The following BAX variants were observed in gnomAD, a reference collection of about 807,000 sequenced individuals.
The protein encoded by BAX is BCL2 associated X, apoptosis regulator.
A neutral mutation model predicts 26.8 loss-of-function variants in BAX; 21 were observed. The observed-to-expected ratio is 0.78, with a 90% CI of 0.56 to 1.13. The LOEUF (loss-of-function observed/expected upper bound fraction) is 1.13, where lower values mean the gene tolerates loss of function less well. Ranked by LOEUF, BAX falls within the 50% of genes most tolerant of loss-of-function variation. The probability of loss-of-function intolerance (pLI) is 0.00; values close to 1 mark genes in which losing one functional copy is unlikely to be tolerated. For synonymous variants in BAX, 110 were observed against 101.8 expected (o/e 1.08, Z -0.49); for missense variants, 236 against 254.6 (o/e 0.93, Z 0.50).
chr19:48,958,189 A>T (rs907026663), intron 4 of BAX, among the ~76,000 whole-genome samples: 3 of 151,460 alleles, frequency 2.0e-5, no homozygotes, highest in African/African-American at 7.3e-5. Flanking sequence ...GCTGGGGTCA[A>T]GCAGTTCTCT....
intron 3 of BAX, 74 bp downstream of exon 3, chr19:48,955,907 T>C: frequency 6.8e-7 from 1 of 1,480,302 alleles, no homozygotes; most frequent in Non-Finnish European, 9.0e-7. Context: ...CCCCGCATTC[T>C]CCTCCTCCCC....
chr19:48,960,606 G>A (rs914102151), intron 4 of BAX, among the ~76,000 whole-genome samples: 11 of 152,226 alleles, frequency 7.2e-5, no homozygotes, highest in Admixed American at 2.6e-4. Context: ...CAAGTGATCC[G>A]CCTGCCTTGG....
At position 48,955,716 on chromosome 19, in the gene BAX, G is replaced by A. The variant is rs147630961; in HGVS notation, c.116G>A (p.Gly39Glu). ...GFIQDRAGRMGGEAPELALDP... is the reference protein window; with the variant it reads ...GFIQDRAGRMEGEAPELALDP... Reference sequence around the variant, plus strand: ...ATCCAGGATCGAGCAGGGCGAATGGGGGGGGAGGCACCCGAGCTGGCCCTG... The same window carrying A: ...ATCCAGGATCGAGCAGGGCGAATGGAGGGGGAGGCACCCGAGCTGGCCCTG... Residue 39 changes from glycine (G) to glutamate (E), a missense_variant, in exon 3 of 6, where the codon GGG (glycine) becomes GAG (glutamate). By Grantham distance (98) the Gly-to-Glu change is moderately conservative. Coordinates refer to ENST00000345358, the MANE Select transcript of BAX (RefSeq NM_138761.4). 1.1e-5 allele frequency: 17 copies of A among 1,612,924 alleles called. No homozygotes were observed. Among genetic ancestry groups the A allele is most frequent in the African/African-American group, 1.3e-5 (1 of 74,952 alleles).
intron 4 of BAX, among the ~76,000 whole-genome samples, chr19:48,957,424 A>G (rs2038185016): frequency 6.7e-6 from 1 of 149,802 alleles, no homozygotes; most frequent in Non-Finnish European, 1.5e-5. Context: ...ACAGGCACAC[A>G]CCACCATGCC....
intron 5 of BAX, 113 bp downstream of exon 5, chr19:48,961,027 C>A (rs762950892): frequency 6.2e-7 from 1 of 1,612,086 alleles, no homozygotes; most frequent in South Asian, 1.1e-5. Flanking sequence ...TGGAGCAGGT[C>A]ACAGTGGTGC....
intron 4 of BAX, among the ~76,000 whole-genome samples, chr19:48,959,402 C>T (rs943824067): frequency 2.0e-5 from 3 of 149,440 alleles, no homozygotes; most frequent in African/African-American, 7.4e-5. Flanking sequence ...GTGACATTTG[C>T]CCTGAGAGCT....
At chr19:48,960,772 C>G in intron 4 of BAX, 38 bp from the exon 5 acceptor site, 1 of 1,532,300 alleles carries the variant, frequency 6.5e-7, no homozygotes, top group Non-Finnish European at 8.9e-7. Flanking sequence ...GCAGTGGGGA[C>G]AAGGTTCAGT....
At chr19:48,961,185 C>A in intron 5 of BAX, 1 of 1,508,980 alleles carries the variant, frequency 6.6e-7, no homozygotes, top group Non-Finnish European at 8.8e-7. Flanking sequence ...TCTGCCCTCC[C>A]TGGAGCCTCC....
Position 48,955,849 on chromosome 19 carries a change from G to A in BAX, c.233+16G>A, listed in dbSNP as rs1008946884. 2 of 1,557,596 alleles carry A rather than the reference G, an allele frequency of 1.3e-6. No individual in the cohort carries two copies. The highest frequency in any genetic ancestry group is 1.7e-6 in the Non-Finnish European group (2 of 1,149,446). On this transcript the variant is annotated intron_variant, in intron 3 of 5. Transcript: ENST00000345358. ...AGCTGCAGAGGTGTGGGCCCCTGAG[G>A]ACCCAGAAGTCCAGCCACTGGGCTC...
At chr19:48,960,711 T>TAA in intron 4 of BAX, 99 bp from the exon 5 acceptor site, 1 of 1,088,812 alleles carries the variant, frequency 9.2e-7, no homozygotes, top group Non-Finnish European at 1.3e-6. Context: ...GCAGAAATCT[T>TAA]TGAGGGGAGG....
At chr19:48,956,095 C>A in intron 3 of BAX, 103 bp from the exon 4 acceptor site, 1 of 1,385,962 alleles carries the variant, frequency 7.2e-7, no homozygotes. Flanking sequence ...TTCAGCCTGG[C>A]TTGGGGCTCA....
intron 5 of BAX, chr19:48,961,173 C>G: frequency 6.6e-7 from 1 of 1,522,438 alleles, no homozygotes. Flanking sequence ...TGATTAGTGC[C>G]TTCTGCCCTC....
At position 48,961,421 on chromosome 19, in the gene BAX, C is replaced by T. The variant is rs766308725; in HGVS notation, c.475-111C>T. 3.3e-6 allele frequency: 4 copies of T among 1,204,686 alleles called. No homozygotes were observed. In the Admixed American group the frequency reaches 8.4e-5, roughly 25 times the overall value. 74.6% of individuals were successfully genotyped at this position (1,204,686 alleles called of 1,614,324 possible). On this transcript the variant is annotated intron_variant, in intron 5 of 5. Coordinates refer to ENST00000345358, the MANE Select transcript of BAX (RefSeq NM_138761.4). ...CTCTTTAATGCCCGTTCATCTCAGT[C>T]CCCTGCCCGCAATCCTGCCTTCTGG...
rs200153051 is a variant in BAX at position 48,955,760 on chromosome 19, G to C, written c.160G>C (p.Ala54Pro). 1 of 1,613,644 alleles carries C rather than the reference G, an allele frequency of 6.2e-7. No homozygotes were observed. The highest frequency in any genetic ancestry group is 1.3e-5 in the African/African-American group (1 of 74,960). ...ELALDPVPQD[A>P]STKKLSECLK... ...GGCCCTGGACCCGGTGCCTCAGGAT[G>C]CGTCCACCAAGAAGCTGAGCGAGTG... The change falls in exon 3 of 6, where the codon GCG becomes CCG. Residue 54 changes from alanine to proline, a missense_variant. Physicochemically the swap from Ala to Pro is conservative, Grantham distance 27. Coordinates refer to ENST00000345358, the MANE Select transcript of BAX (RefSeq NM_138761.4).
At chr19:48,956,819 C>CTTTTTTTTTTTT (rs56251427) in intron 4 of BAX, among the ~76,000 whole-genome samples, 16 of 87,368 alleles carry the variant, frequency 1.8e-4, no homozygotes, top group Non-Finnish European at 2.5e-4. Flanking sequence ...TTATCCCTGG[C>CTTTTTTTTTTTT]TTTTTTTTTT....
chr19:48,957,439 T>A (rs2038185610), intron 4 of BAX, among the ~76,000 whole-genome samples: 1 of 150,372 alleles, frequency 6.7e-6, no homozygotes, highest in African/African-American at 2.4e-5. Context: ...CATGCCTGGC[T>A]AGTTTTTGTA....
At chr19:48,961,172 C>T in intron 5 of BAX, 1 of 1,522,534 alleles carries the variant, frequency 6.6e-7, no homozygotes, top group Non-Finnish European at 8.8e-7. Context: ...TTGATTAGTG[C>T]CTTCTGCCCT....
intron 4 of BAX, among the ~76,000 whole-genome samples, chr19:48,960,034 G>C (rs2038295476): frequency 6.6e-6 from 1 of 150,678 alleles, no homozygotes; most frequent in Admixed American, 6.6e-5. Flanking sequence ...CACAAAACAG[G>C]AAGTGGAAAG....
intron 4 of BAX, among the ~76,000 whole-genome samples, chr19:48,958,646 C>T (rs775358250): frequency 4.6e-5 from 7 of 151,492 alleles, no homozygotes; most frequent in African/African-American, 9.7e-5. Context: ...TGGGTTTAAG[C>T]GATTCTCTTG....
Sources: allele counts gnomAD v4.1 joint callset (sites outside exome capture counted in the v4.1 genomes callset), GRCh38; gene constraint gnomAD v4.1.1; transcripts MANE v1.5; gene names NCBI Gene and HGNC (gene_info 2026-07-23, HGNC 2026-07-21).